The following MSN variants were observed in gnomAD, a reference collection of about 807,000 sequenced individuals.
MSN encodes the protein epididymis luminal protein 70.
MSN carries 2 observed loss-of-function variants against 48.0 expected under a neutral mutation model. That is an observed-to-expected ratio of 0.04 (90% CI 0.02 to 0.13). The LOEUF (loss-of-function observed/expected upper bound fraction) is 0.13, where lower values mean the gene tolerates loss of function less well. Ranked by LOEUF, MSN falls within the 10% of genes least tolerant of loss-of-function variation. MSN has a pLI of 1.00. For missense variants in MSN, 267 were observed against 470.1 expected, an observed-to-expected ratio of 0.57 and a Z score of 3.99; for synonymous variants, 146 against 166.9, an observed-to-expected ratio of 0.87 and a Z score of 0.97.
upstream of MSN, among the ~76,000 whole-genome samples, chrX:65,666,325 CTATTAT>C (rs949961242): frequency 9.3e-6 from 1 of 107,961 alleles, no homozygotes; most frequent in Non-Finnish European, 1.9e-5. Flanking sequence ...GTCTCACTTA[CTATTAT>C]TATTATTATT....
At chrX:65,728,395 G>A (rs930215298) in intron 3 of MSN, among the ~76,000 whole-genome samples, 1 of 111,438 alleles carries the variant, frequency 9.0e-6, no homozygotes, top group African/African-American at 3.3e-5. Flanking sequence ...CTGGGTTCAC[G>A]CCATTCTCCT....
At chrX:65,730,169 A>C (rs2071609017) in intron 4 of MSN, among the ~76,000 whole-genome samples, 2 of 112,223 alleles carry the variant, frequency 1.8e-5, no homozygotes, top group South Asian at 7.4e-4. Flanking sequence ...TGTAAACTTC[A>C]AAGTCAAAAG....
intron 2 of MSN, among the ~76,000 whole-genome samples, chrX:65,726,685 G>A (rs901532244): frequency 6.3e-5 from 7 of 111,063 alleles, no homozygotes; most frequent in Non-Finnish European, 1.3e-4. Flanking sequence ...AAGGACATCA[G>A]CAAAACTGGG....
intron 1 of MSN, among the ~76,000 whole-genome samples, chrX:65,596,818 C>G (rs1043423784): frequency 3.5e-5 from 3 of 86,820 alleles, no homozygotes; most frequent in Non-Finnish European, 2.2e-5. Context: ...CCAGAGGAGA[C>G]AGCAGTGTCC....
intron 1 of MSN, among the ~76,000 whole-genome samples, chrX:65,636,884 A>C (rs1384782754): frequency 2.1e-5 from 2 of 93,307 alleles, no homozygotes; most frequent in African/African-American, 8.1e-5. Flanking sequence ...GATCAAGACC[A>C]TCCTGGCTAA....
At chrX:65,611,130 T>A (rs925721246) in intron 1 of MSN, among the ~76,000 whole-genome samples, 5 of 109,050 alleles carry the variant, frequency 4.6e-5, no homozygotes, top group Non-Finnish European at 7.6e-5. Context: ...AATTATACAG[T>A]TTCTTCCATC....
chrX:65,701,378 G>T (rs2071302066), intron 1 of MSN, among the ~76,000 whole-genome samples: 1 of 111,673 alleles, frequency 9.0e-6, no homozygotes, highest in Admixed American at 9.5e-5. Flanking sequence ...ACCTTACTTT[G>T]CTGGGTGCTA....
intron 1 of MSN, among the ~76,000 whole-genome samples, chrX:65,659,165 T>A (rs1376528896): frequency 1.8e-5 from 2 of 108,854 alleles, no homozygotes; most frequent in African/African-American, 3.4e-5. Flanking sequence ...TTTTTCTTTT[T>A]TTTTGAGATG....
chrX:65,720,099 A>G (rs1340270600), intron 2 of MSN, among the ~76,000 whole-genome samples: 1 of 111,619 alleles, frequency 9.0e-6, no homozygotes, highest in African/African-American at 3.3e-5. Context: ...ATGACTTCTC[A>G]TCATTGTTAT....
intron 1 of MSN, among the ~76,000 whole-genome samples, chrX:65,658,893 G>A (rs2070801435): frequency 9.2e-6 from 1 of 108,313 alleles, no homozygotes; most frequent in Non-Finnish European, 1.9e-5. Context: ...CACCCAGGCT[G>A]GAGTGCAATG....
intron 1 of MSN, among the ~76,000 whole-genome samples, chrX:65,671,633 C>G (rs1488034660): frequency 1.8e-5 from 2 of 111,847 alleles, no homozygotes; most frequent in African/African-American, 6.5e-5. Flanking sequence ...CTGCATCTCT[C>G]CACTTGGGTT....
intron 1 of MSN, among the ~76,000 whole-genome samples, chrX:65,705,462 A>T (rs1312307972): frequency 9.0e-6 from 1 of 111,660 alleles, no homozygotes; most frequent in East Asian, 2.8e-4. Flanking sequence ...TAAGAACTGA[A>T]GTTAGGTTCA....
At chrX:65,630,288 T>A (rs1344871944) in intron 1 of MSN, among the ~76,000 whole-genome samples, 1 of 111,423 alleles carries the variant, frequency 9.0e-6, no homozygotes, top group East Asian at 2.8e-4. Flanking sequence ...AAAGAAACCC[T>A]AAAGGCTGGG....
chrX:65,617,168 C>A (rs1225150647), intron 1 of MSN, among the ~76,000 whole-genome samples: 1 of 105,154 alleles, frequency 9.5e-6, no homozygotes, highest in Non-Finnish European at 1.9e-5. Context: ...CTAAAATTCT[C>A]TTTTTTTGTT....
At chrX:65,656,603 G>A (rs751176607) in intron 1 of MSN, among the ~76,000 whole-genome samples, 1 of 111,132 alleles carries the variant, frequency 9.0e-6, no homozygotes, top group African/African-American at 3.3e-5. Context: ...CTACAGCCCA[G>A]CCTGGAATGG....
At chrX:65,665,804 T>C (rs149609105), upstream of MSN, among the ~76,000 whole-genome samples, 1,122 of 111,244 alleles carry the variant, frequency 0.01, 2 homozygotes, top group Non-Finnish European at 0.017. Context: ...GGCCACATAG[T>C]GGTCATAGGA....
intron 1 of MSN, among the ~76,000 whole-genome samples, chrX:65,675,127 T>C (rs2070984710): frequency 8.9e-6 from 1 of 112,048 alleles, no homozygotes. Flanking sequence ...GACAGGTAGT[T>C]GAATTCTTAC....
chrX:65,714,498 T>G (rs773337352), intron 1 of MSN, among the ~76,000 whole-genome samples: 46 of 111,771 alleles, frequency 4.1e-4, no homozygotes, highest in Non-Finnish European at 6.2e-4. Context: ...TTTTTTTGAT[T>G]TTTTAATAAT....
intron 1 of MSN, among the ~76,000 whole-genome samples, chrX:65,646,179 C>T (rs759478345): frequency 7.2e-5 from 8 of 111,800 alleles, no homozygotes; most frequent in Non-Finnish European, 1.1e-4. Context: ...ACTGGGTGTC[C>T]CTTTTCACAG....
Sources: allele counts gnomAD v4.1 joint callset (sites outside exome capture counted in the v4.1 genomes callset), GRCh38; gene constraint gnomAD v4.1.1; transcripts MANE v1.5; gene names NCBI Gene and HGNC (gene_info 2026-07-23, HGNC 2026-07-21).